IFT88: variants seen among roughly 807,000 people sequenced by gnomAD.
The protein encoded by IFT88 is intraflagellar transport 88, also known as intraflagellar transport protein 88 homolog.
In IFT88, 74 loss-of-function variants were observed where a neutral mutation model predicts 119.5. The ratio of observed to expected loss-of-function variants is 0.62; its 90% confidence interval spans 0.51 to 0.75. The LOEUF (loss-of-function observed/expected upper bound fraction) is 0.75. Ranked by LOEUF, IFT88 falls within the 30% of genes least tolerant of loss-of-function variation. IFT88 has a pLI of 0.00. For synonymous variants in IFT88, 279 were observed against 316.7 expected (o/e 0.88, Z 1.26); for missense variants, 961 against 977.7 (o/e 0.98, Z 0.23).
At chr13:20,689,483 C>T (rs748011824) in intron 24 of IFT88, among the ~76,000 whole-genome samples, 2 of 152,142 alleles carry the variant, frequency 1.3e-5, no homozygotes, top group Non-Finnish European at 2.9e-5. Flanking sequence ...GTAATGAGAA[C>T]ACCTACATTT....
At chr13:20,659,262 G>C (rs896382376) in intron 22 of IFT88, among the ~76,000 whole-genome samples, 12 of 152,184 alleles carry the variant, frequency 7.9e-5, no homozygotes, top group African/African-American at 2.4e-4. Flanking sequence ...GGGACACCAA[G>C]GCCGGAGGAT....
chr13:20,689,225 C>T (rs1199785067), intron 24 of IFT88, among the ~76,000 whole-genome samples: 3 of 152,170 alleles, frequency 2.0e-5, no homozygotes, highest in African/African-American at 7.2e-5. Flanking sequence ...AGTCACCGTG[C>T]CCGGCCCCAG....
chr13:20,575,400 C>G (rs559585842), intron 2 of IFT88, among the ~76,000 whole-genome samples: 1 of 152,142 alleles, frequency 6.6e-6, no homozygotes, highest in South Asian at 2.1e-4. Flanking sequence ...ATTGTGAATA[C>G]TGCTGCAGCA....
At chr13:20,601,211 C>T (rs1474037657) in intron 11 of IFT88, among the ~76,000 whole-genome samples, 2 of 152,064 alleles carry the variant, frequency 1.3e-5, no homozygotes, top group African/African-American at 4.8e-5. Context: ...ACTAAACATA[C>T]AAAAATTAGC....
At chr13:20,607,701 G>A (rs2043751814) in intron 13 of IFT88, 3 of 793,292 alleles carry the variant, frequency 3.8e-6, no homozygotes, top group Admixed American at 3.5e-5. Context: ...ACGTCTCACA[G>A]TGGCCCTGGA....
intron 22 of IFT88, among the ~76,000 whole-genome samples, chr13:20,658,732 C>T (rs543792844): frequency 2.6e-5 from 4 of 152,168 alleles, no homozygotes; most frequent in Non-Finnish European, 5.9e-5. Context: ...TAGTAGCTCT[C>T]TCACCCCTAG....
At chr13:20,607,427 C>T in intron 13 of IFT88, 1 of 652,974 alleles carries the variant, frequency 1.5e-6, no homozygotes, top group Non-Finnish European at 2.9e-6. Flanking sequence ...TATAAAGAAG[C>T]AGAGCAACAA....
chr13:20,649,371 G>A (rs2051235261), intron 20 of IFT88, among the ~76,000 whole-genome samples: 1 of 152,140 alleles, frequency 6.6e-6, no homozygotes, highest in African/African-American at 2.4e-5. Flanking sequence ...AAATTCACAA[G>A]TATGTGGAAT....
chr13:20,688,515 A>C (rs2058180521), intron 24 of IFT88, among the ~76,000 whole-genome samples: 1 of 152,218 alleles, frequency 6.6e-6, no homozygotes, highest in South Asian at 2.1e-4. Context: ...ACCAAGCTGA[A>C]AATTTGATTT....
chr13:20,570,485 C>T (rs1334487010), intron 1 of IFT88, among the ~76,000 whole-genome samples: 1 of 152,148 alleles, frequency 6.6e-6, no homozygotes, highest in Non-Finnish European at 1.5e-5. Context: ...TGTCCATTAA[C>T]TAATGAATGG....
intron 5 of IFT88, among the ~76,000 whole-genome samples, chr13:20,591,360 A>G (rs1171228659): frequency 2.0e-5 from 3 of 152,210 alleles, no homozygotes; most frequent in African/African-American, 4.8e-5. Flanking sequence ...GAGACCAACC[A>G]AAAGTAAGAG....
intron 24 of IFT88, among the ~76,000 whole-genome samples, chr13:20,684,093 G>T (rs1245626932): frequency 1.1e-4 from 16 of 152,194 alleles, no homozygotes; most frequent in Admixed American, 1.0e-3. Context: ...ATTCTTTGAG[G>T]AATTTAAAAG....
chr13:20,673,399 G>A (rs2056198732), intron 24 of IFT88, among the ~76,000 whole-genome samples: 1 of 152,140 alleles, frequency 6.6e-6, no homozygotes, highest in Non-Finnish European at 1.5e-5. Context: ...CAGAGCCCAG[G>A]GGACAGTGTC....
chr13:20,619,158 ATTGT>A (rs1479410198), intron 14 of IFT88, among the ~76,000 whole-genome samples: 2 of 152,150 alleles, frequency 1.3e-5, no homozygotes, highest in South Asian at 2.1e-4. Context: ...TTTTTCTGGA[ATTGT>A]TTATGTTTGT....
intron 9 of IFT88, among the ~76,000 whole-genome samples, chr13:20,598,078 C>T (rs1191063380): frequency 6.6e-6 from 1 of 151,940 alleles, no homozygotes; most frequent in Admixed American, 6.6e-5. Context: ...ATATGCTAAA[C>T]ACATAGGAAA....
intron 7 of IFT88, among the ~76,000 whole-genome samples, chr13:20,593,906 CTGGG>C (rs2041177791): frequency 6.6e-6 from 1 of 151,860 alleles, no homozygotes; most frequent in Non-Finnish European, 1.5e-5. Flanking sequence ...AAAAAATTAG[CTGGG>C]TATGGTGGCA....
chr13:20,568,038 C>T (rs1593563712), intron 1 of IFT88: 1 of 712,408 alleles, frequency 1.4e-6, no homozygotes, highest in African/African-American at 1.7e-5. Context: ...AAAAGAATCT[C>T]ATAATGCTTC....
intron 24 of IFT88, among the ~76,000 whole-genome samples, chr13:20,682,913 G>T (rs918492431): frequency 2.0e-5 from 3 of 152,202 alleles, no homozygotes; most frequent in African/African-American, 7.2e-5. Flanking sequence ...GTCTTGCTCA[G>T]CTAAGGGGAT....
intron 3 of IFT88, among the ~76,000 whole-genome samples, chr13:20,585,338 A>T (rs1410132167): frequency 2.6e-5 from 4 of 152,218 alleles, no homozygotes; most frequent in Non-Finnish European, 4.4e-5. Flanking sequence ...TAATCATGGG[A>T]AAGATACAAA....
Sources: allele counts gnomAD v4.1 joint callset (sites outside exome capture counted in the v4.1 genomes callset), GRCh38; gene constraint gnomAD v4.1.1; transcripts MANE v1.5; gene names NCBI Gene and HGNC (gene_info 2026-07-23, HGNC 2026-07-21).